The following SYNGR1 variants were observed in gnomAD, a reference collection of about 807,000 sequenced individuals.
The protein encoded by SYNGR1 is synaptogyrin 1.
SYNGR1 carries 14 observed loss-of-function variants against 26.1 expected under a neutral mutation model. That is an observed-to-expected ratio of 0.54 (90% CI 0.35 to 0.84). SYNGR1 has a LOEUF of 0.84. SYNGR1 is among the 40% of genes least tolerant of loss of function. The pLI is 0.01. For missense variants in SYNGR1, 319 were observed against 332.9 expected (o/e 0.96, Z 0.33); for synonymous variants, 141 against 150.1 (o/e 0.94, Z 0.44).
intron 1 of SYNGR1, among the ~76,000 whole-genome samples, chr22:39,366,365 G>A (rs534468348): frequency 2.0e-5 from 3 of 152,052 alleles, no homozygotes; most frequent in South Asian, 4.2e-4. Flanking sequence ...ATATATTCAG[G>A]CCGGGCATAG....
chr22:39,372,438 CTTTTTTTTT>C (rs767314185), intron 1 of SYNGR1, among the ~76,000 whole-genome samples: 5 of 54,650 alleles, frequency 9.1e-5, no homozygotes, highest in African/African-American at 2.8e-4. Context: ...ACGCCCAGCT[CTTTTTTTTT>C]TTTTTTTTTT....
chr22:39,370,992 T>G (rs925820511), intron 1 of SYNGR1, among the ~76,000 whole-genome samples: 3 of 152,218 alleles, frequency 2.0e-5, no homozygotes, highest in African/African-American at 7.2e-5. Context: ...AATGTAGATT[T>G]ATTGGTTTCA....
At chr22:39,368,829 A>C (rs1278798105) in intron 1 of SYNGR1, among the ~76,000 whole-genome samples, 1 of 152,198 alleles carries the variant, frequency 6.6e-6, no homozygotes, top group Non-Finnish European at 1.5e-5. Context: ...TGTGTCTGTT[A>C]GTAAGTGTTC....
intron 1 of SYNGR1, among the ~76,000 whole-genome samples, chr22:39,360,720 A>T (rs921175821): frequency 2.0e-5 from 3 of 152,190 alleles, no homozygotes; most frequent in Non-Finnish European, 4.4e-5. Flanking sequence ...ACCAGTTAAA[A>T]TATGGAGGTG....
chr22:39,358,916 G>A (rs1181308997), intron 1 of SYNGR1, among the ~76,000 whole-genome samples: 1 of 152,268 alleles, frequency 6.6e-6, no homozygotes, highest in Non-Finnish European at 1.5e-5. Context: ...CAGGGGCCAG[G>A]TGAAGGGGAC....
chr22:39,373,887 A>T (rs756263982), intron 1 of SYNGR1, among the ~76,000 whole-genome samples: 14 of 152,170 alleles, frequency 9.2e-5, no homozygotes, highest in Non-Finnish European at 1.3e-4. Flanking sequence ...AGAACACAAG[A>T]TGGGGCCCGG....
Position 39,374,377 on chromosome 22 carries a change from AG to A in SYNGR1, c.166del (p.Glu56ArgfsTer85). The A allele has an allele frequency of 6.2e-7, 1 of 1,613,970 alleles. No individual in the cohort carries two copies. Among genetic ancestry groups the A allele is most frequent in the Non-Finnish European group, 8.5e-7 (1 of 1,180,022 alleles). On this transcript the variant is annotated frameshift_variant, in exon 2 of 4. Coordinates refer to ENST00000328933, the MANE Select transcript of SYNGR1 (RefSeq NM_004711.5). LOFTEE classifies it high-confidence loss of function. ...VNEGYLNSASEGEEFCIYNRN... is the reference protein window; with the variant it reads ...VNEGYLNSASXGEEFCIYNRN... ...GAGGGCTACCTCAACAGCGCCTCCGAGGGGGAGGAGTTCTGCATCTACAACC... is the reference window on the plus strand; with the variant it reads ...GAGGGCTACCTCAACAGCGCCTCCGAGGGGAGGAGTTCTGCATCTACAACC...
chr22:39,375,856 C>T lies in SYNGR1; in HGVS notation c.338-196C>T, dbSNP rs1354415146. On this transcript the variant is annotated intron_variant, in intron 2 of 3. Transcript: ENST00000328933. ...CTCCCCCCTGCATCTGGCTGGCTTC[C>T]CTCTTCTCGCCTGCATCTTCTCTTG... The T allele has an allele frequency of 9.5e-6, 7 of 739,378 alleles. No individual in the cohort carries two copies. In the Admixed American group the frequency reaches 1.0e-4, roughly 11 times the overall value. 45.8% of individuals were successfully genotyped at this position (739,378 alleles called of 1,614,324 possible).
chr22:39,368,385 A>T (rs1008995697), intron 1 of SYNGR1, among the ~76,000 whole-genome samples: 2 of 152,128 alleles, frequency 1.3e-5, no homozygotes, highest in Middle Eastern at 6.8e-3. Flanking sequence ...CTTGCTCCCC[A>T]CACAATCGGC....
intron 3 of SYNGR1, chr22:39,376,936 G>T: frequency 1.3e-6 from 2 of 1,546,548 alleles, no homozygotes; most frequent in Non-Finnish European, 1.7e-6. Context: ...GCAGGCCCTG[G>T]GCTGGCAGCT....
Position 39,354,843 on chromosome 22 carries a change from T to TAAAA in SYNGR1, c.99+4745_99+4748dup, listed in dbSNP as rs137704. Among the ~76,000 whole-genome samples the TAAAA allele has an allele frequency of 4.6e-4, 65 of 141,302 alleles. 1 individual carries two copies. In the East Asian group the frequency reaches 9.5e-3, roughly 21 times the overall value. The allele number at this position is 141,302 out of a possible 152,430, so 92.7% of individuals were successfully genotyped here. A position where few individuals can be genotyped will look rare whatever the true frequency, so the allele number is the denominator to read the frequency against. On this transcript the variant is annotated intron_variant, in intron 1 of 3. Transcript: ENST00000328933. ...AACAAAAGCAAAACTCTGTCTCAAA[T>TAAAA]AAAAAAAAAAAAAAGCTGAACGTTT...
In SYNGR1 at chr22:39,382,000, C is replaced by T. The variant is rs1925516604; in HGVS notation, c.*86C>T. On this transcript the variant is annotated 3_prime_UTR_variant, in exon 4 of 4. Coordinates refer to ENST00000328933, the MANE Select transcript of SYNGR1 (RefSeq NM_004711.5). ...CTGCTCCTGCCCAGGCTGCCCTGCC[C>T]AGCGCCTCATCAGCCTCTGCCTTGT... The T allele has an allele frequency of 7.0e-7, 1 of 1,435,592 alleles. No homozygotes were observed. Among genetic ancestry groups the T allele is most frequent in the Admixed American group, 2.0e-5 (1 of 50,872 alleles). 88.9% of individuals were successfully genotyped at this position (1,435,592 alleles called of 1,614,324 possible).
intron 1 of SYNGR1, among the ~76,000 whole-genome samples, chr22:39,353,347 CTTTTTTAT>C (rs1924003277): frequency 1.3e-5 from 2 of 151,944 alleles, no homozygotes; most frequent in Non-Finnish European, 2.9e-5. Context: ...TGGCTTGTCT[CTTTTTTAT>C]TTTTTTAGAG....
intron 1 of SYNGR1, among the ~76,000 whole-genome samples, chr22:39,367,335 A>G (rs76712197): frequency 0.052 from 7,967 of 152,328 alleles, 696 homozygotes; most frequent in African/African-American, 0.18. Flanking sequence ...TCCAGCAAAC[A>G]AACAGCAAAG....
chr22:39,377,784 G>A lies in SYNGR1; in HGVS notation c.483+1587G>A, dbSNP rs559199500. 46 of 1,550,072 alleles carry A rather than the reference G, an allele frequency of 3.0e-5. No homozygotes were observed. In the East Asian group the frequency reaches 7.3e-4, roughly 25 times the overall value. On this transcript the variant is annotated intron_variant, in intron 3 of 3. Transcript: ENST00000328933. ...GTGCCAGAAATGTCCAAGATGCCAG[G>A]GCATGCAGGGCAGTGGAAGGCTGGC...
chr22:39,377,623 G>C (rs575643303), intron 3 of SYNGR1: 1 of 1,613,900 alleles, frequency 6.2e-7, no homozygotes, highest in African/African-American at 1.3e-5. Context: ...CTGGCCGTGC[G>C]GAGATTCAAG....
At chr22:39,366,110 G>A (rs1924745039) in intron 1 of SYNGR1, among the ~76,000 whole-genome samples, 1 of 148,344 alleles carries the variant, frequency 6.7e-6, no homozygotes, top group Admixed American at 6.8e-5. Flanking sequence ...CAATCCTCTG[G>A]CCTCAGCCTC....
chr22:39,379,820 G>T (rs1179889206), intron 3 of SYNGR1: 1 of 152,140 alleles, frequency 6.6e-6, no homozygotes, highest in Non-Finnish European at 1.5e-5. Context: ...ACCTGGGAAG[G>T]GGTAGGACCC....
At chr22:39,357,905 G>C (rs1028704015) in intron 1 of SYNGR1, among the ~76,000 whole-genome samples, 1 of 152,250 alleles carries the variant, frequency 6.6e-6, no homozygotes, top group African/African-American at 2.4e-5. Context: ...CTCCTGTGCG[G>C]CCCGAGCCTC....
Sources: allele counts gnomAD v4.1 joint callset (sites outside exome capture counted in the v4.1 genomes callset), GRCh38; gene constraint gnomAD v4.1.1; transcripts MANE v1.5; gene names NCBI Gene and HGNC (gene_info 2026-07-23, HGNC 2026-07-21).